The following PCDHA11 variants were observed in gnomAD, a reference collection of about 807,000 sequenced individuals.
The protein encoded by PCDHA11 is protocadherin alpha-11.
In PCDHA11, 61 loss-of-function variants were observed where a neutral mutation model predicts 70.3. The ratio of observed to expected loss-of-function variants is 0.87; its 90% CI spans 0.71 to 1.07. PCDHA11 has a LOEUF of 1.07. Ranked by LOEUF, PCDHA11 falls within the 50% of genes least tolerant of loss-of-function variation. PCDHA11 has a pLI of 0.00. For synonymous variants in PCDHA11, 633 were observed against 555.1 expected, an observed-to-expected ratio of 1.14 and a Z score of -1.97; for missense variants, 1,324 against 1,237.5, an observed-to-expected ratio of 1.07 and a Z score of -1.05.
intron 3 of PCDHA11, among the ~76,000 whole-genome samples, chr5:140,984,877 C>A (rs1178230954): frequency 1.3e-5 from 2 of 151,944 alleles, no homozygotes; most frequent in Non-Finnish European, 2.9e-5. Flanking sequence ...TATTGAGTTA[C>A]CATGAGAACT....
At chr5:140,927,095 TG>T in intron 1 of PCDHA11, 1 of 1,612,210 alleles carries the variant, frequency 6.2e-7, no homozygotes, top group Non-Finnish European at 8.5e-7. Flanking sequence ...TACTTCGGGG[TG>T]GATCTACCCA....
At chr5:140,944,028 A>T (rs1341498532) in intron 1 of PCDHA11, among the ~76,000 whole-genome samples, 1 of 152,222 alleles carries the variant, frequency 6.6e-6, no homozygotes, top group African/African-American at 2.4e-5. Context: ...TATCTTCAAA[A>T]TATGGAAAAC....
intron 1 of PCDHA11, chr5:140,928,707 C>T: frequency 6.2e-7 from 1 of 1,614,184 alleles, no homozygotes; most frequent in South Asian, 1.1e-5. Flanking sequence ...GGGCGTCTGA[C>T]TCTAGTCTCT....
chr5:140,880,646 C>A (rs782457852), intron 1 of PCDHA11, among the ~76,000 whole-genome samples: 1 of 152,060 alleles, frequency 6.6e-6, no homozygotes, highest in Non-Finnish European at 1.5e-5. Context: ...ACTTGAGAGC[C>A]CAACTGAGGT....
intron 2 of PCDHA11, 148 bp from the exon 3 acceptor site, chr5:140,982,327 C>A: frequency 7.0e-7 from 1 of 1,419,146 alleles, no homozygotes; most frequent in South Asian, 1.4e-5. Context: ...AGGGTGACTG[C>A]TCAGCAGTAA....
intron 1 of PCDHA11, chr5:140,884,430 T>C: frequency 1.9e-6 from 3 of 1,613,922 alleles, no homozygotes; most frequent in Non-Finnish European, 2.5e-6. Context: ...TATACTGCGC[T>C]GCGGTGCTCG....
intron 1 of PCDHA11, among the ~76,000 whole-genome samples, chr5:140,949,294 T>C (rs1554218899): frequency 1.3e-5 from 2 of 151,840 alleles, no homozygotes; most frequent in African/African-American, 4.8e-5. Flanking sequence ...TATTCTGTAA[T>C]TGTTGGGTGT....
chr5:140,913,103 G>A (rs2076206771), intron 1 of PCDHA11, among the ~76,000 whole-genome samples: 1 of 152,144 alleles, frequency 6.6e-6, no homozygotes, highest in Admixed American at 6.5e-5. Context: ...TGGCCTCATA[G>A]AATCAGTTTG....
At chr5:140,895,235 C>T (rs1554186440) in intron 1 of PCDHA11, among the ~76,000 whole-genome samples, 2 of 152,236 alleles carry the variant, frequency 1.3e-5, no homozygotes, top group East Asian at 1.9e-4. Context: ...GTTTTCTCAT[C>T]TCTCTTTTCA....
chr5:140,889,868 G>A (rs905154258), intron 1 of PCDHA11, among the ~76,000 whole-genome samples: 2 of 152,136 alleles, frequency 1.3e-5, no homozygotes, highest in African/African-American at 4.8e-5. Context: ...TTTGGGGGAA[G>A]CCTGCCACCA....
chr5:140,953,340 C>T (rs2094876353), intron 1 of PCDHA11, among the ~76,000 whole-genome samples: 1 of 152,066 alleles, frequency 6.6e-6, no homozygotes, highest in Non-Finnish European at 1.5e-5. Context: ...TAGGGCTCAC[C>T]TTCTTTTGTT....
chr5:141,000,395 C>CTCTCTATA (rs1213762225), intron 3 of PCDHA11, among the ~76,000 whole-genome samples: 1 of 53,986 alleles, frequency 1.9e-5, no homozygotes, highest in Non-Finnish European at 3.2e-5. Flanking sequence ...CTCTCTCTCT[C>CTCTCTATA]TATATATATA....
chr5:140,892,058 T>C (rs1417540713), intron 1 of PCDHA11, among the ~76,000 whole-genome samples: 3 of 152,248 alleles, frequency 2.0e-5, no homozygotes, highest in African/African-American at 4.8e-5. Context: ...TCAAATTTAT[T>C]GTTACTTTGT....
chr5:140,952,338 C>CAAAAAAAA (rs55931446), intron 1 of PCDHA11, among the ~76,000 whole-genome samples: 1 of 135,028 alleles, frequency 7.4e-6, no homozygotes. Context: ...AACTCCATCT[C>CAAAAAAAA]AAAAAAAAAA....
intron 1 of PCDHA11, among the ~76,000 whole-genome samples, chr5:140,901,976 T>C (rs1470395593): frequency 6.6e-6 from 1 of 152,164 alleles, no homozygotes; most frequent in African/African-American, 2.4e-5. Context: ...ATGGGATTAC[T>C]TTTTAATTTC....
intron 1 of PCDHA11, among the ~76,000 whole-genome samples, chr5:140,944,988 G>A (rs1554216650): frequency 6.6e-6 from 1 of 152,048 alleles, no homozygotes; most frequent in Non-Finnish European, 1.5e-5. Flanking sequence ...GTCTACTTCT[G>A]TAACGGTTGT....
intron 1 of PCDHA11, chr5:140,875,216 A>G: frequency 1.4e-6 from 1 of 717,612 alleles, no homozygotes. Flanking sequence ...ACCGAAAAGA[A>G]CCTCAGGATC....
intron 1 of PCDHA11, among the ~76,000 whole-genome samples, chr5:140,881,030 A>G (rs959156727): frequency 6.6e-6 from 1 of 152,234 alleles, no homozygotes; most frequent in Non-Finnish European, 1.5e-5. Flanking sequence ...CCCAACAGTC[A>G]TTTCCTATAG....
intron 1 of PCDHA11, among the ~76,000 whole-genome samples, chr5:140,900,435 G>A (rs1219799362): frequency 3.3e-5 from 5 of 152,088 alleles, no homozygotes; most frequent in African/African-American, 9.7e-5. Context: ...GTGCCACCAC[G>A]GCCGGCTAAT....
Sources: allele counts gnomAD v4.1 joint callset (sites outside exome capture counted in the v4.1 genomes callset), GRCh38; gene constraint gnomAD v4.1.1; transcripts MANE v1.5; gene names NCBI Gene and HGNC (gene_info 2026-07-23, HGNC 2026-07-21).